The following MYT1L variants were observed in gnomAD, a reference collection of about 807,000 sequenced individuals.
The protein encoded by MYT1L is myelin transcription factor 1-like protein.
In MYT1L, 12 loss-of-function variants were observed where a neutral mutation model predicts 126.7. That is an observed-to-expected ratio of 0.09 (90% CI 0.06 to 0.15). The LOEUF (loss-of-function observed/expected upper bound fraction) is 0.15, where lower values mean the gene tolerates loss of function less well. Ranked by LOEUF, MYT1L falls within the 10% of genes least tolerant of loss-of-function variation. MYT1L has a pLI of 1.00. For synonymous variants in MYT1L, 541 were observed against 604.2 expected, an observed-to-expected ratio of 0.90 and a Z score of 1.53; for missense variants, 979 against 1,585.2, an observed-to-expected ratio of 0.62 and a Z score of 6.49.
chr2:2,199,437 A>G (rs1196901026), intron 2 of MYT1L, among the ~76,000 whole-genome samples: 2 of 152,284 alleles, frequency 1.3e-5, no homozygotes, highest in Admixed American at 1.3e-4. Flanking sequence ...GATACCCATG[A>G]CTATCTGCGG....
chr2:1,934,402 G>A (rs184327281), intron 9 of MYT1L, among the ~76,000 whole-genome samples: 23 of 151,410 alleles, frequency 1.5e-4, no homozygotes, highest in African/African-American at 4.4e-4. Context: ...GTGGGACAGC[G>A]CTTTCATGTT....
At chr2:2,074,419 A>C (rs1171328093) in intron 3 of MYT1L, among the ~76,000 whole-genome samples, 1 of 152,236 alleles carries the variant, frequency 6.6e-6, no homozygotes, top group African/African-American at 2.4e-5. Flanking sequence ...AGATGTGCTC[A>C]TACCTTTACC....
At chr2:2,198,772 C>T (rs2092932791) in intron 2 of MYT1L, among the ~76,000 whole-genome samples, 1 of 152,044 alleles carries the variant, frequency 6.6e-6, no homozygotes, top group Non-Finnish European at 1.5e-5. Context: ...GCAGGAGAAT[C>T]GCTTGAACCC....
At chr2:2,232,640 C>T (rs950021019) in intron 2 of MYT1L, among the ~76,000 whole-genome samples, 14 of 152,238 alleles carry the variant, frequency 9.2e-5, no homozygotes, top group Non-Finnish European at 1.6e-4. Context: ...TCATTCATTT[C>T]TTCACACGAC....
At position 2,294,167 on chromosome 2, in the gene MYT1L, G is replaced by A. The variant is rs534237341; in HGVS notation, c.-520-9664C>T. On this transcript the variant is annotated intron_variant, in intron 1 of 24. Transcript: ENST00000647738. ...ATGAGGAACATGAGAATGGCCGAGAGACAAGCATGGTTGGTCACAGGTGAC... is the reference window on the plus strand; with the variant it reads ...ATGAGGAACATGAGAATGGCCGAGAAACAAGCATGGTTGGTCACAGGTGAC... Among the ~76,000 whole-genome samples the A allele has an allele frequency of 2.0e-5, 3 of 152,342 alleles. No homozygotes were observed. In the South Asian group the frequency reaches 6.2e-4, roughly 32 times the overall value.
intron 3 of MYT1L, among the ~76,000 whole-genome samples, chr2:2,166,033 A>G (rs1414834490): frequency 6.6e-6 from 1 of 152,218 alleles, no homozygotes; most frequent in Admixed American, 6.5e-5. Flanking sequence ...AGCTATGGGG[A>G]AAACTAAAGT....
At chr2:2,137,952 C>T (rs2083305058) in intron 3 of MYT1L, among the ~76,000 whole-genome samples, 1 of 151,850 alleles carries the variant, frequency 6.6e-6, no homozygotes, top group African/African-American at 2.4e-5. Flanking sequence ...TGACAAAGGG[C>T]TAATATCCAG....
chr2:2,272,913 C>G (rs1298350326), intron 2 of MYT1L, among the ~76,000 whole-genome samples: 2 of 152,158 alleles, frequency 1.3e-5, no homozygotes, highest in East Asian at 1.9e-4. Flanking sequence ...CCCATCTCCA[C>G]CCCTGGTGCC....
chr2:2,302,339 G>A (rs774006697), intron 1 of MYT1L, among the ~76,000 whole-genome samples: 18 of 152,130 alleles, frequency 1.2e-4, no homozygotes, highest in Non-Finnish European at 1.9e-4. Flanking sequence ...AGAAATTTTT[G>A]GACCAATCGA....
At chr2:2,246,333 C>G (rs9808556) in intron 2 of MYT1L, among the ~76,000 whole-genome samples, 31,586 of 152,176 alleles carry the variant, frequency 0.21, 3,435 homozygotes, top group South Asian at 0.24. Context: ...AGTTCCTCAT[C>G]TTGCATATTT....
At chr2:1,952,207 A>T (rs2057819257) in intron 8 of MYT1L, among the ~76,000 whole-genome samples, 1 of 152,210 alleles carries the variant, frequency 6.6e-6, no homozygotes, top group African/African-American at 2.4e-5. Flanking sequence ...AAATAATCTC[A>T]GTTTCTGGAA....
chr2:2,002,143 C>T (rs993131788), intron 4 of MYT1L, among the ~76,000 whole-genome samples: 5 of 152,150 alleles, frequency 3.3e-5, no homozygotes, highest in African/African-American at 4.8e-5. Context: ...GTACTGCCTC[C>T]TCAGACTGGT....
chr2:2,199,175 C>G (rs534050703), intron 2 of MYT1L, among the ~76,000 whole-genome samples: 10 of 152,248 alleles, frequency 6.6e-5, no homozygotes, highest in South Asian at 2.1e-4. Context: ...CAAACATTGT[C>G]CTTAATAACA....
chr2:2,055,766 T>A (rs540786074), intron 3 of MYT1L, among the ~76,000 whole-genome samples: 3 of 152,368 alleles, frequency 2.0e-5, no homozygotes, highest in African/African-American at 7.2e-5. Flanking sequence ...CATAATATTT[T>A]GCTTTCATAA....
At chr2:1,875,799 G>T (rs1247056745) in intron 18 of MYT1L, among the ~76,000 whole-genome samples, 2 of 152,176 alleles carry the variant, frequency 1.3e-5, no homozygotes, top group Non-Finnish European at 2.9e-5. Flanking sequence ...GCCTCGGCCT[G>T]CTTTGTTCAA....
chr2:2,005,448 ATGCG>A (rs2063168390), intron 4 of MYT1L, among the ~76,000 whole-genome samples: 1 of 141,368 alleles, frequency 7.1e-6, no homozygotes, highest in Non-Finnish European at 1.5e-5. Flanking sequence ...TCTTTCCTGC[ATGCG>A]TTCTTTCCTG....
At chr2:1,919,111 A>G (rs1467515355) in intron 10 of MYT1L, among the ~76,000 whole-genome samples, 3 of 152,196 alleles carry the variant, frequency 2.0e-5, no homozygotes, top group Non-Finnish European at 4.4e-5. Context: ...TTACCACGAC[A>G]CTTAGGATTA....
At chr2:1,826,394 T>A (rs543005074) in intron 21 of MYT1L, among the ~76,000 whole-genome samples, 93 of 152,210 alleles carry the variant, frequency 6.1e-4, no homozygotes, top group African/African-American at 2.2e-3. Context: ...GTGGGAGTGC[T>A]TCAGGAGGGA....
At chr2:2,177,223 C>T (rs1431442379) in intron 2 of MYT1L, among the ~76,000 whole-genome samples, 1 of 152,204 alleles carries the variant, frequency 6.6e-6, no homozygotes, top group Non-Finnish European at 1.5e-5. Context: ...TGTGCATATG[C>T]TAGCCTGACA....
Sources: gnomAD v4.1 joint callset for allele counts (sites outside exome capture counted in the v4.1 genomes callset) on GRCh38, gnomAD v4.1.1 for gene constraint, MANE v1.5 for transcripts, NCBI Gene and HGNC (gene_info 2026-07-23, HGNC 2026-07-21) for gene names.